The following USP38 variants were observed in gnomAD, a reference collection of about 807,000 sequenced individuals.
USP38 encodes ubiquitin carboxyl-terminal hydrolase 38.
In USP38, 49 loss-of-function variants were observed where a neutral mutation model predicts 94.3. The ratio of observed to expected loss-of-function variants is 0.52; its 90% confidence interval spans 0.41 to 0.66. The LOEUF is 0.66. USP38 is among the 30% of genes least tolerant of loss of function. The pLI, the probability that USP38 is intolerant of heterozygous loss-of-function variation, is 0.00. For synonymous variants in USP38, 468 were observed against 463.6 expected (o/e 1.01, Z -0.12); for missense variants, 1,128 against 1,229.4 (o/e 0.92, Z 1.23).
intron 8 of USP38, among the ~76,000 whole-genome samples, chr4:143,213,159 C>T (rs1418631154): frequency 2.0e-5 from 3 of 152,124 alleles, no homozygotes; most frequent in African/African-American, 7.2e-5. Flanking sequence ...CTGTATCTCC[C>T]TGTCTTTGTT....
chr4:143,185,368 C>A lies in USP38; in HGVS notation c.-83C>A, dbSNP rs1404065277. On this transcript the variant is annotated 5_prime_UTR_variant, in exon 1 of 10. Transcript: ENST00000307017. ...TGCTGCGGCGCTCCAAGTTCATCTCCGCCCCGGGGCTCTCCTGCCCCACCT... is the reference window on the plus strand; with the variant it reads ...TGCTGCGGCGCTCCAAGTTCATCTCAGCCCCGGGGCTCTCCTGCCCCACCT... 26 of 1,447,598 alleles carry A rather than the reference C, an allele frequency of 1.8e-5. No individual in the cohort carries two copies. The South Asian group carries it at 3.6e-4, about 20-fold the overall frequency. The allele number at this position is 1,447,598 out of a possible 1,614,324, so 89.7% of individuals were successfully genotyped here.
intron 7 of USP38, 31 bp from the exon 8 acceptor site, chr4:143,212,287 T>A (rs1732047775): frequency 6.7e-7 from 1 of 1,503,210 alleles, no homozygotes; most frequent in African/African-American, 1.4e-5. Context: ...TAAGAATCAC[T>A]TCCTTATATT....
intron 9 of USP38, among the ~76,000 whole-genome samples, chr4:143,218,322 A>G (rs1347333332): frequency 1.3e-5 from 2 of 152,140 alleles, no homozygotes; most frequent in East Asian, 1.9e-4. Context: ...GACTAGATCT[A>G]TAGTCTACTA....
rs1731185118 is a variant in USP38 at position 143,185,422 on chromosome 4, C to T, written c.-29C>T. 1 of 1,547,608 alleles carries T rather than the reference C, an allele frequency of 6.5e-7. No individual in the cohort carries two copies. The highest frequency in any genetic ancestry group is 1.2e-5 in the South Asian group (1 of 80,414). On this transcript the variant is annotated 5_prime_UTR_variant, in exon 1 of 10. Coordinates refer to ENST00000307017, the MANE Select transcript of USP38 (RefSeq NM_032557.6). ...GGCTGCCGCCACCCGCTCCTTATCC[C>T]CTGGCCCTGGCCTTGCAGCGTGGCG...
At position 143,197,890 on chromosome 4, in the gene USP38, T is replaced by A; in HGVS notation, c.1016T>A (p.Leu339His). The change falls in exon 4 of 10, where the codon CTT becomes CAT. Residue 339 changes from leucine (L) to histidine (H), a missense_variant. Physicochemically the swap from Leu to His is moderately conservative, Grantham distance 99. Transcript: ENST00000307017. Reference protein sequence around the residue: ...GALAVLSHMLLSFQHSPEAFH... With the variant: ...GALAVLSHMLHSFQHSPEAFH... The stretch of plus-strand genomic sequence containing the variant: ...CTTGCAGTTCTTTCTCACATGCTGC[T>A]TAGCTTTCAGCATTCTCCAGAGGCG... The A allele has an allele frequency of 6.2e-7, 1 of 1,613,930 alleles. No homozygotes were observed. The highest frequency in any genetic ancestry group is 1.3e-5 in the African/African-American group (1 of 75,060).
intron 9 of USP38, chr4:143,215,620 C>T (rs1732163631): frequency 6.6e-6 from 1 of 151,668 alleles, no homozygotes; most frequent in South Asian, 2.1e-4. Context: ...TTGTTCTCAA[C>T]ATACAGGGCT....
Position 143,195,812 on chromosome 4 carries a change from T to G in USP38, c.915T>G (p.Ile305Met), listed in dbSNP as rs759892362. ...TGGCAGCTGTCCAGAAGTTTACTAT[T>G]TTGATAGATGTTACTTTGCTGAAAA... ...KGLAAVQKFTILIDVTLLKIE... is the reference protein window; with the variant it reads ...KGLAAVQKFTMLIDVTLLKIE... The change falls in exon 3 of 10, where the codon ATT (isoleucine) becomes ATG (methionine). Residue 305 changes from isoleucine to methionine, a missense_variant. By Grantham distance (10) the Ile-to-Met change is conservative. Transcript: ENST00000307017. The G allele has an allele frequency of 6.2e-7, 1 of 1,613,312 alleles. No homozygotes were observed. Among genetic ancestry groups the G allele is most frequent in the Non-Finnish European group, 8.5e-7 (1 of 1,179,722 alleles).
intron 2 of USP38, among the ~76,000 whole-genome samples, chr4:143,188,553 G>A (rs1731299871): frequency 6.6e-6 from 1 of 152,008 alleles, no homozygotes; most frequent in African/African-American, 2.4e-5. Context: ...TGAGTAGTCA[G>A]CTTGTCTGGA....
At chr4:143,191,323 A>G (rs1344389528) in intron 2 of USP38, among the ~76,000 whole-genome samples, 3 of 152,200 alleles carry the variant, frequency 2.0e-5, no homozygotes, top group Non-Finnish European at 4.4e-5. Context: ...AATGGGATAC[A>G]TAAGTACCTT....
In USP38 at chr4:143,197,850, G is replaced by A; in HGVS notation, c.976G>A (p.Val326Met). 2 of 1,613,686 alleles carry A rather than the reference G, an allele frequency of 1.2e-6. No homozygotes were observed. Among genetic ancestry groups the A allele is most frequent in the Non-Finnish European group, 1.7e-6 (2 of 1,179,768 alleles). Residue 326 changes from valine (V) to methionine (M), a missense_variant, in exon 4 of 10, where the codon GTG becomes ATG. Coordinates refer to ENST00000307017, the MANE Select transcript of USP38 (RefSeq NM_032557.6). ...LVFNRLWFPL[V>M]RPGALAVLSH... Reference sequence around the variant, plus strand: ...TTTTAATCGACTTTGGTTTCCTCTTGTGAGACCTGGTGCTCTTGCAGTTCT... The same window carrying A: ...TTTTAATCGACTTTGGTTTCCTCTTATGAGACCTGGTGCTCTTGCAGTTCT...
chr4:143,211,408 A>G lies in USP38; in HGVS notation c.1498-910A>G, dbSNP rs914410335. On this transcript the variant is annotated intron_variant, in intron 7 of 9. Transcript: ENST00000307017. ...AAAACAGTCTGTCAGGTAATAAGGT[A>G]TATCCCCATTTTACAGATGAAGAAA... Among the ~76,000 whole-genome samples, 4 of 152,254 alleles carry G rather than the reference A, an allele frequency of 2.6e-5. No individual in the cohort carries two copies. In the East Asian group the frequency reaches 7.7e-4, roughly 29 times the overall value.
Position 143,214,801 on chromosome 4 carries a change from A to G in USP38, c.2825A>G (p.Tyr942Cys), listed in dbSNP as rs1264186972. 3 of 1,613,664 alleles carry G rather than the reference A, an allele frequency of 1.9e-6. No individual in the cohort carries two copies. The highest frequency in any genetic ancestry group is 2.5e-6 in the Non-Finnish European group (3 of 1,179,800). Residue 942 changes from tyrosine to cysteine, a missense_variant, in exon 9 of 10, where the codon TAT (tyrosine) becomes TGT (cysteine). Tyr to Cys is a radical substitution (Grantham distance 194, BLOSUM62 -2). Transcript: ENST00000307017. ...ITSRFPKDTA[Y>C]VLLYKKQHST... Reference sequence around the variant, plus strand: ...AGCAGGTTTCCAAAGGACACAGCTTATGTGCTTTTGTATAAAAAACAGCAT... The same window carrying G: ...AGCAGGTTTCCAAAGGACACAGCTTGTGTGCTTTTGTATAAAAAACAGCAT...
chr4:143,205,664 A>G (rs1731839470), intron 5 of USP38, among the ~76,000 whole-genome samples: 1 of 152,192 alleles, frequency 6.6e-6, no homozygotes, highest in African/African-American at 2.4e-5. Flanking sequence ...ACTGTGTGCT[A>G]AAATTTAAGT....
Position 143,221,512 on chromosome 4 carries a change from T to TTTTG in USP38, c.*1068_*1071dup, listed in dbSNP as rs535154274. The TTTTG allele has an allele frequency of 2.0e-5, 3 of 152,522 alleles. No homozygotes were observed. The highest frequency in any genetic ancestry group is 4.8e-5 in the African/African-American group (2 of 41,444). 9.4% of individuals were successfully genotyped at this position (152,522 alleles called of 1,614,324 possible). On this transcript the variant is annotated 3_prime_UTR_variant, in exon 10 of 10. Coordinates refer to ENST00000307017, the MANE Select transcript of USP38 (RefSeq NM_032557.6). ...ATTTTTAGAGTTTTACATTTGGGTTTTTTGTTTGTTTGTTTCAGTCATATG... is the reference window on the plus strand; with the variant it reads ...ATTTTTAGAGTTTTACATTTGGGTTTTTTGTTTGTTTGTTTGTTTCAGTCATATG...
chr4:143,218,613 G>A (rs1003006397), intron 9 of USP38, among the ~76,000 whole-genome samples: 4 of 152,004 alleles, frequency 2.6e-5, no homozygotes, highest in Non-Finnish European at 5.9e-5. Context: ...GGTTTCATGG[G>A]TACAGATGCA....
At chr4:143,186,201 C>A in intron 1 of USP38, 69 bp downstream of exon 1, 2 of 1,470,270 alleles carry the variant, frequency 1.4e-6, no homozygotes, top group South Asian at 1.3e-5. Context: ...CACACACATT[C>A]ACACCATGTT....
chr4:143,194,960 G>A (rs1452788968), intron 2 of USP38, among the ~76,000 whole-genome samples: 3 of 150,754 alleles, frequency 2.0e-5, no homozygotes, highest in Non-Finnish European at 4.4e-5. Flanking sequence ...GCACTCATTA[G>A]TGCAAAATGA....
intron 6 of USP38, among the ~76,000 whole-genome samples, chr4:143,206,829 A>C (rs1201878815): frequency 6.6e-6 from 1 of 152,134 alleles, no homozygotes; most frequent in South Asian, 2.1e-4. Context: ...ATTTTTTTTA[A>C]CCTATACGTG....
At chr4:143,211,676 G>A (rs188966330) in intron 7 of USP38, among the ~76,000 whole-genome samples, 1 of 152,266 alleles carries the variant, frequency 6.6e-6, no homozygotes, top group East Asian at 1.9e-4. Flanking sequence ...TCTTCGAGAT[G>A]CCTTTTCAGT....
Sources: gnomAD v4.1 joint callset for allele counts (sites outside exome capture counted in the v4.1 genomes callset) on GRCh38, gnomAD v4.1.1 for gene constraint, MANE v1.5 for transcripts, NCBI Gene and HGNC (gene_info 2026-07-23, HGNC 2026-07-21) for gene names.